The following TSPAN5 variants were observed in gnomAD, a reference collection of about 807,000 sequenced individuals.
TSPAN5 encodes the protein tetraspanin-5.
A neutral mutation model predicts 37.1 loss-of-function variants in TSPAN5; 10 were observed. That is an observed-to-expected ratio of 0.27 (90% confidence interval 0.17 to 0.46). The LOEUF (loss-of-function observed/expected upper bound fraction) is 0.46. TSPAN5 is among the 20% of genes least tolerant of loss of function. The pLI, the probability that TSPAN5 is intolerant of heterozygous loss-of-function variation, is 1.00. For missense variants in TSPAN5, 195 were observed against 326.6 expected (o/e 0.60, Z 3.11); for synonymous variants, 110 against 118.9 (o/e 0.93, Z 0.48).
intron 1 of TSPAN5, among the ~76,000 whole-genome samples, chr4:98,564,193 T>C (rs1052515469): frequency 3.3e-5 from 5 of 152,180 alleles, no homozygotes; most frequent in African/African-American, 9.7e-5. Flanking sequence ...TGAAAGCCAA[T>C]AACAGGCATT....
chr4:98,617,975 A>G (rs528592863), intron 1 of TSPAN5, among the ~76,000 whole-genome samples: 93 of 152,352 alleles, frequency 6.1e-4, no homozygotes, highest in African/African-American at 2.2e-3. Context: ...ACTTCACAAC[A>G]GGCCATGGCA....
At chr4:98,488,534 T>C (rs527673159) in intron 2 of TSPAN5, among the ~76,000 whole-genome samples, 2 of 152,108 alleles carry the variant, frequency 1.3e-5, no homozygotes, top group Admixed American at 6.5e-5. Context: ...AGGATTGAGG[T>C]TGTATTCATT....
intron 1 of TSPAN5, among the ~76,000 whole-genome samples, chr4:98,588,051 C>T (rs545484648): frequency 2.6e-5 from 4 of 152,216 alleles, no homozygotes; most frequent in Non-Finnish European, 4.4e-5. Context: ...AAATGAAACC[C>T]GTCGTCGGCC....
At chr4:98,499,966 C>CA (rs377214560) in intron 2 of TSPAN5, among the ~76,000 whole-genome samples, 17 of 152,096 alleles carry the variant, frequency 1.1e-4, no homozygotes, top group African/African-American at 3.9e-4. Flanking sequence ...GGCCGGTTTC[C>CA]AGCTCTTTAG....
intron 3 of TSPAN5, chr4:98,484,374 C>T (rs905732517): frequency 8.9e-6 from 4 of 448,628 alleles, no homozygotes; most frequent in East Asian, 6.9e-5. Flanking sequence ...GTCCTGTGGA[C>T]GTTTACTTAC....
intron 3 of TSPAN5, 51 bp from the exon 4 acceptor site, chr4:98,482,226 C>A: frequency 6.5e-7 from 1 of 1,532,504 alleles, no homozygotes; most frequent in South Asian, 1.2e-5. Flanking sequence ...CTATTTTGAT[C>A]ATATATAGCT....
At chr4:98,487,054 G>C (rs1470109076) in intron 2 of TSPAN5, among the ~76,000 whole-genome samples, 170 bp from the exon 3 acceptor site, 1 of 146,370 alleles carries the variant, frequency 6.8e-6, no homozygotes, top group Non-Finnish European at 1.5e-5. Flanking sequence ...GAGAGAGAAA[G>C]AGAAAGAGAA....
chr4:98,654,591 G>C (rs1757258958), intron 1 of TSPAN5, among the ~76,000 whole-genome samples: 1 of 152,118 alleles, frequency 6.6e-6, no homozygotes. Flanking sequence ...GAGGAAACAA[G>C]TTTTCCCCCA....
At chr4:98,630,214 A>T (rs1321805326) in intron 1 of TSPAN5, among the ~76,000 whole-genome samples, 2 of 152,152 alleles carry the variant, frequency 1.3e-5, no homozygotes, top group Non-Finnish European at 2.9e-5. Flanking sequence ...CTCAAAGTGA[A>T]CAAGAACAGG....
intron 1 of TSPAN5, among the ~76,000 whole-genome samples, chr4:98,620,224 C>T (rs1227777192): frequency 6.6e-6 from 1 of 152,144 alleles, no homozygotes; most frequent in Non-Finnish European, 1.5e-5. Flanking sequence ...ACTCTTGGAA[C>T]CCTGAGCTAC....
rs549937860 is a variant in TSPAN5 at position 98,481,404 on chromosome 4, A to AG, written c.450+600dup. ...TTTCACAGGCATGCTCAGAGACGGGAGGGAGTGGCCTGGACTCCAATGCTC... is the reference window on the plus strand; with the variant it reads ...TTTCACAGGCATGCTCAGAGACGGGAGGGGAGTGGCCTGGACTCCAATGCTC... On this transcript the variant is annotated intron_variant, in intron 4 of 7. Coordinates refer to ENST00000305798, the MANE Select transcript of TSPAN5 (RefSeq NM_005723.4). Among the ~76,000 whole-genome samples the AG allele has an allele frequency of 1.7e-3, 253 of 152,176 alleles. 1 individual carries two copies. Among genetic ancestry groups the AG allele is most frequent in the African/African-American group, 5.7e-3 (238 of 41,522 alleles).
At chr4:98,486,408 C>A (rs141387188) in intron 3 of TSPAN5, 3 of 209,976 alleles carry the variant, frequency 1.4e-5, no homozygotes. Context: ...TGCATTAAAA[C>A]GGTGGGAAGG....
At chr4:98,533,893 T>C (rs1239883770) in intron 1 of TSPAN5, among the ~76,000 whole-genome samples, 1 of 143,746 alleles carries the variant, frequency 7.0e-6, no homozygotes, top group African/African-American at 2.6e-5. Context: ...CTTCTCTCTT[T>C]TCTTCTTTAT....
At chr4:98,488,421 A>G (rs1753019841) in intron 2 of TSPAN5, among the ~76,000 whole-genome samples, 1 of 152,160 alleles carries the variant, frequency 6.6e-6, no homozygotes, top group African/African-American at 2.4e-5. Context: ...CAGAATGTAT[A>G]TGGGGAAATA....
intron 1 of TSPAN5, among the ~76,000 whole-genome samples, chr4:98,520,789 C>G (rs949609485): frequency 6.6e-6 from 1 of 152,176 alleles, no homozygotes; most frequent in Non-Finnish European, 1.5e-5. Flanking sequence ...AGAGATATAA[C>G]GCTGCAGTTA....
At chr4:98,643,129 T>C (rs1285206822) in intron 1 of TSPAN5, among the ~76,000 whole-genome samples, 1 of 152,214 alleles carries the variant, frequency 6.6e-6, no homozygotes, top group Admixed American at 6.5e-5. Context: ...GTAAGTGCCC[T>C]ACATTGGTGT....
chr4:98,521,319 C>G (rs184558396), intron 1 of TSPAN5, among the ~76,000 whole-genome samples: 1 of 152,280 alleles, frequency 6.6e-6, no homozygotes, highest in Non-Finnish European at 1.5e-5. Context: ...TGTTTCTTTA[C>G]AGAGCAAGGG....
At chr4:98,560,107 A>T (rs963784341) in intron 1 of TSPAN5, 1 of 152,240 alleles carries the variant, frequency 6.6e-6, no homozygotes, top group Non-Finnish European at 1.5e-5. Context: ...TTCCAATCAG[A>T]TTTAGTCCAA....
intron 1 of TSPAN5, among the ~76,000 whole-genome samples, chr4:98,603,189 A>C (rs1292446235): frequency 1.3e-5 from 2 of 152,212 alleles, no homozygotes; most frequent in Non-Finnish European, 2.9e-5. Context: ...TAGACTGCAT[A>C]TCGCCATCTG....
Sources: allele counts gnomAD v4.1 joint callset (sites outside exome capture counted in the v4.1 genomes callset), GRCh38; gene constraint gnomAD v4.1.1; transcripts MANE v1.5; gene names NCBI Gene and HGNC (gene_info 2026-07-23, HGNC 2026-07-21).